The following PREX2 variants were observed in gnomAD, a reference collection of about 807,000 sequenced individuals.
PREX2 encodes the protein phosphatidylinositol 3,4,5-trisphosphate-dependent Rac exchanger 2 protein.
PREX2 carries 107 observed loss-of-function variants against 203.2 expected under a neutral mutation model. The observed-to-expected ratio is 0.53, with a 90% CI of 0.45 to 0.62. The LOEUF (loss-of-function observed/expected upper bound fraction) is 0.62. Among genes scored for constraint, PREX2 ranks in the 20% least tolerant of loss-of-function variants. The pLI is 0.00. For missense variants in PREX2, 1,777 were observed against 1,955.9 expected (o/e 0.91, Z 1.72); for synonymous variants, 672 against 663.6 (o/e 1.01, Z -0.19).
At chr8:68,001,657 C>A (rs147413851) in intron 1 of PREX2, among the ~76,000 whole-genome samples, 120 of 152,284 alleles carry the variant, frequency 7.9e-4, no homozygotes, top group African/African-American at 2.6e-3. Context: ...ATGTTCACTG[C>A]ATCACTATTC....
intron 3 of PREX2, among the ~76,000 whole-genome samples, chr8:68,021,739 T>C (rs974974073): frequency 6.6e-6 from 1 of 152,202 alleles, no homozygotes; most frequent in Non-Finnish European, 1.5e-5. Flanking sequence ...TTTTAAGCTG[T>C]AACTGAATCC....
At position 68,055,949 on chromosome 8, in the gene PREX2, A is replaced by G. The variant is rs758547657; in HGVS notation, c.1213A>G (p.Thr405Ala). The G allele has an allele frequency of 1.5e-5, 24 of 1,612,066 alleles. No homozygotes were observed. The South Asian group carries it at 2.4e-4, about 16-fold the overall frequency. Residue 405 changes from threonine (T) to alanine (A), a missense_variant, in exon 10 of 40, where the codon ACG (threonine) becomes GCG (alanine). Transcript: ENST00000288368. Reference sequence around the variant, plus strand: ...CAAAGACCGAAAGAGAAAACTGACTACGTTCCCTAAATGCTTTCTTGGAAG... The same window carrying G: ...CAAAGACCGAAAGAGAAAACTGACTGCGTTCCCTAAATGCTTTCTTGGAAG... ...LIKDRKRKLT[T>A]FPKCFLGSEF...
chr8:68,161,616 G>C (rs1323984827), intron 35 of PREX2, among the ~76,000 whole-genome samples: 2 of 151,754 alleles, frequency 1.3e-5, no homozygotes, highest in Admixed American at 6.6e-5. Context: ...TAAAACATCA[G>C]TTGTATCCTA....
intron 37 of PREX2, among the ~76,000 whole-genome samples, chr8:68,213,058 G>C (rs915780850): frequency 2.0e-5 from 3 of 152,114 alleles, no homozygotes; most frequent in African/African-American, 7.2e-5. Flanking sequence ...GGATGACTGT[G>C]TACAATGGGC....
intron 4 of PREX2, among the ~76,000 whole-genome samples, chr8:68,023,081 G>T (rs1367448479): frequency 6.6e-6 from 1 of 152,078 alleles, no homozygotes; most frequent in African/African-American, 2.4e-5. Flanking sequence ...AAATAATGCT[G>T]TTATCAGCAT....
chr8:68,067,530 C>T (rs1809053942), intron 11 of PREX2, among the ~76,000 whole-genome samples: 1 of 151,476 alleles, frequency 6.6e-6, no homozygotes, highest in East Asian at 1.9e-4. Flanking sequence ...TTTAACATTT[C>T]TTTTTTCCAT....
intron 17 of PREX2, 96 bp from the exon 18 acceptor site, chr8:68,083,144 A>G (rs960088863): frequency 3.5e-6 from 3 of 861,714 alleles, no homozygotes; most frequent in South Asian, 2.0e-5. Flanking sequence ...GTCAATATCT[A>G]TAAGCTCTGA....
intron 25 of PREX2, among the ~76,000 whole-genome samples, 173 bp downstream of exon 25, chr8:68,109,796 A>G (rs1810501577): frequency 6.6e-6 from 1 of 152,230 alleles, no homozygotes; most frequent in Admixed American, 6.5e-5. Flanking sequence ...TGGAAAAAAT[A>G]CATATAGGTA....
chr8:68,110,630 C>T (rs916158485), intron 25 of PREX2, among the ~76,000 whole-genome samples: 9 of 152,176 alleles, frequency 5.9e-5, no homozygotes, highest in African/African-American at 2.2e-4. Flanking sequence ...CACCTATCAT[C>T]CTGTACTTCA....
intron 35 of PREX2, among the ~76,000 whole-genome samples, chr8:68,167,076 G>A (rs569385268): frequency 1.6e-4 from 24 of 152,298 alleles, no homozygotes; most frequent in African/African-American, 5.8e-4. Context: ...CATCATTGCT[G>A]TAGCAATTTA....
At chr8:68,146,497 A>G in intron 34 of PREX2, 145 bp downstream of exon 34, 3 of 710,038 alleles carry the variant, frequency 4.2e-6, no homozygotes, top group Non-Finnish European at 4.5e-6. Flanking sequence ...GGGAATGTTT[A>G]TTAAGGAAAT....
intron 36 of PREX2, 114 bp downstream of exon 36, chr8:68,191,902 G>T: frequency 2.9e-6 from 2 of 690,130 alleles, no homozygotes; most frequent in Non-Finnish European, 5.1e-6. Flanking sequence ...TCTAAGTAGG[G>T]AGCTAGTCTG....
chr8:68,039,256 A>G (rs1434768), intron 7 of PREX2, among the ~76,000 whole-genome samples: 2,562 of 152,192 alleles, frequency 0.017, 51 homozygotes, highest in African/African-American at 0.054. Context: ...AGCTACTCCT[A>G]TCAGAATCTC....
chr8:68,092,116 C>T (rs1389431048), intron 20 of PREX2, among the ~76,000 whole-genome samples: 1 of 152,142 alleles, frequency 6.6e-6, no homozygotes, highest in Admixed American at 6.5e-5. Context: ...TTTGCATGGC[C>T]TCTCTTTCCA....
At chr8:68,148,407 C>T (rs1811369672) in intron 34 of PREX2, among the ~76,000 whole-genome samples, 1 of 152,068 alleles carries the variant, frequency 6.6e-6, no homozygotes. Context: ...TTATTTCTCT[C>T]TTCTTAAAAA....
intron 37 of PREX2, among the ~76,000 whole-genome samples, chr8:68,215,788 C>T (rs765643234): frequency 6.6e-6 from 1 of 152,254 alleles, no homozygotes; most frequent in South Asian, 2.1e-4. Context: ...CCGCCCGCCT[C>T]GGCCTCCCAA....
intron 6 of PREX2, among the ~76,000 whole-genome samples, chr8:68,031,799 T>C (rs893961758): frequency 6.6e-6 from 1 of 152,202 alleles, no homozygotes; most frequent in Non-Finnish European, 1.5e-5. Flanking sequence ...GTTGTCTTGC[T>C]GTGATGAGAA....
intron 23 of PREX2, chr8:68,105,105 A>G (rs763411764): frequency 1.5e-6 from 2 of 1,361,740 alleles, no homozygotes; most frequent in Non-Finnish European, 2.0e-6. Context: ...ATGAACCACC[A>G]TCAATTCAAG....
rs150386892 is a variant in PREX2, at chr8:68,164,455, T to C, written c.4346+7019T>C. 2.2e-3 allele frequency among the ~76,000 whole-genome samples: 327 copies of C among 151,976 alleles called. 4 individuals carry two copies. The highest frequency in any genetic ancestry group is 7.7e-3 in the African/African-American group (318 of 41,500). On this transcript the variant is annotated intron_variant, in intron 35 of 39. Transcript: ENST00000288368. ...GTGTGTGTGTACTTGAATATCAGCT[T>C]TTAGTCAAGCTGACTTCTGACCATA...
Sources: allele counts gnomAD v4.1 joint callset (sites outside exome capture counted in the v4.1 genomes callset), GRCh38; gene constraint gnomAD v4.1.1; transcripts MANE v1.5; gene names NCBI Gene and HGNC (gene_info 2026-07-23, HGNC 2026-07-21).